ROS1: variants seen among roughly 807,000 people sequenced by gnomAD.
The protein encoded by ROS1 is proto-oncogene tyrosine-protein kinase ROS.
A neutral mutation model predicts 273.5 loss-of-function variants in ROS1; 263 were observed. The observed-to-expected ratio is 0.96, with a 90% CI of 0.87 to 1.06. The LOEUF (loss-of-function observed/expected upper bound fraction) is 1.06, where lower values mean the gene tolerates loss of function less well. Among genes scored for constraint, ROS1 ranks in the 50% least tolerant of loss-of-function variants. ROS1 has a pLI of 0.00. For missense variants in ROS1, 2,833 were observed against 2,751.1 expected (o/e 1.03, Z -0.67); for synonymous variants, 1,008 against 954.1 (o/e 1.06, Z -1.04).
chr6:117,319,250 T>G (rs1231488082), intron 37 of ROS1, among the ~76,000 whole-genome samples: 1 of 152,182 alleles, frequency 6.6e-6, no homozygotes, highest in East Asian at 1.9e-4. Flanking sequence ...AGTCAGAGAC[T>G]GACAAACTAC....
At chr6:117,382,706 G>T (rs1479639547) in intron 17 of ROS1, among the ~76,000 whole-genome samples, 1 of 152,078 alleles carries the variant, frequency 6.6e-6, no homozygotes, top group African/African-American at 2.4e-5. Context: ...TCCTGTATTT[G>T]CAGGTTGAGT....
intron 31 of ROS1, 69 bp from the exon 32 acceptor site, chr6:117,337,409 T>A (rs1413049858): frequency 8.5e-7 from 1 of 1,182,002 alleles, no homozygotes; most frequent in South Asian, 1.5e-5. Context: ...CAAAAATGTA[T>A]AGGCTTATAG....
At position 117,324,294 on chromosome 6, in the gene ROS1, C is replaced by T. The variant is rs751336198; in HGVS notation, c.5623+38G>A. The T allele has an allele frequency of 1.1e-5, 10 of 923,942 alleles. 1 individual carries two copies. The South Asian group carries it at 1.1e-4, about 11-fold the overall frequency. 57.2% of individuals were successfully genotyped at this position (923,942 alleles called of 1,614,324 possible). On this transcript the variant is annotated intron_variant, in intron 35 of 43. Transcript: ENST00000368507. ...AATCAATCAGGTATGATTAAGTAAA[C>T]AGTTTGTTGCCTATTTTAAAAATTC...
intron 39 of ROS1, among the ~76,000 whole-genome samples, chr6:117,311,552 C>T (rs1307281580): frequency 6.6e-6 from 1 of 152,130 alleles, no homozygotes; most frequent in Non-Finnish European, 1.5e-5. Flanking sequence ...ATAACAGGCA[C>T]TTAATAAACA....
In ROS1 at chr6:117,288,559, G is replaced by A. The variant is rs1430294646; in HGVS notation, c.6959C>T (p.Ser2320Phe). The part of the protein sequence containing the change: ...CQEKQVAYCP[S>F]GKPEGLNYAC... ...ATAGTTCAGGCCTTCAGGCTTGCCA[G>A]AAGGGCAGTAAGCCACTTGTTTTTC... The change falls in exon 44 of 44, where the codon TCT becomes TTT. Residue 2320 changes from serine to phenylalanine, a missense_variant. Coordinates refer to ENST00000368507, the MANE Select transcript of ROS1 (RefSeq NM_001378902.1). The A allele has an allele frequency of 6.2e-7, 1 of 1,614,174 alleles. No homozygotes were observed. Among genetic ancestry groups the A allele is most frequent in the Admixed American group, 1.7e-5 (1 of 60,016 alleles).
intron 35 of ROS1, among the ~76,000 whole-genome samples, chr6:117,322,833 G>C (rs760382848): frequency 2.0e-5 from 3 of 152,120 alleles, no homozygotes; most frequent in Non-Finnish European, 2.9e-5. Flanking sequence ...AAAAATTCGT[G>C]AATTTCAAAC....
At chr6:117,297,644 G>A (rs372623561) in intron 43 of ROS1, among the ~76,000 whole-genome samples, 56 of 152,148 alleles carry the variant, frequency 3.7e-4, no homozygotes, top group South Asian at 3.3e-3. Flanking sequence ...AATCATCGGC[G>A]AAATGCAAAT....
At chr6:117,380,330 T>C (rs968928366) in intron 17 of ROS1, among the ~76,000 whole-genome samples, 1 of 152,116 alleles carries the variant, frequency 6.6e-6, no homozygotes, top group African/African-American at 2.4e-5. Context: ...GAAACAGTTA[T>C]AAGGTACATG....
At chr6:117,380,903 C>G (rs999148700) in intron 17 of ROS1, among the ~76,000 whole-genome samples, 5 of 152,054 alleles carry the variant, frequency 3.3e-5, no homozygotes, top group African/African-American at 1.2e-4. Flanking sequence ...CTTTTTTTAT[C>G]ACACAAGTAA....
At chr6:117,404,108 G>A (rs943988605) in intron 6 of ROS1, among the ~76,000 whole-genome samples, 172 bp downstream of exon 6, 2 of 152,116 alleles carry the variant, frequency 1.3e-5, no homozygotes, top group Admixed American at 6.5e-5. Flanking sequence ...GATGGCGGGC[G>A]CCTGTGGGCG....
chr6:117,387,806 G>A lies in ROS1; in HGVS notation c.1973C>T (p.Pro658Leu). The change falls in exon 14 of 44, where the codon CCC becomes CTC. Residue 658 changes from proline (P) to leucine (L), a missense_variant. Pro to Leu is a moderately conservative substitution (Grantham distance 98). Transcript: ENST00000368507. ...TGGCACCAGGGTAGTACCCACTGAG[G>A]GCTCTGACCAGGGGCCTGGCCTCTT... ...SPKRPGPWSE[P>L]SVGTTLVPAS... The A allele has an allele frequency of 6.2e-7, 1 of 1,614,058 alleles. No homozygotes were observed. The highest frequency in any genetic ancestry group is 1.1e-5 in the South Asian group (1 of 91,056).
rs1776641380 is a variant in ROS1 at position 117,326,315 on chromosome 6, C to A, written c.5448G>T (p.Leu1816=). The change falls in exon 34 of 44, where the codon CTG becomes CTT. Residue 1816 remains leucine, a synonymous_variant. Transcript: ENST00000368507. ...SSVCTWKSKN[L]KGIFQFRVVA... is the part of the protein sequence containing the mutation. ...CTACTCTGAACTGAAATATTCCTTT[C>A]AGGTTTTTGGACTTCCATGTGCAAA... 2.5e-6 allele frequency: 4 copies of A among 1,603,478 alleles called. No individual in the cohort carries two copies. The highest frequency in any genetic ancestry group is 3.4e-6 in the Non-Finnish European group (4 of 1,176,216).
chr6:117,385,490 G>A (rs1250046285), intron 16 of ROS1, among the ~76,000 whole-genome samples, 193 bp downstream of exon 16: 1 of 151,994 alleles, frequency 6.6e-6, no homozygotes, highest in Admixed American at 6.6e-5. Context: ...TCCAGCCTGG[G>A]CAGCAGGGTG....
chr6:117,406,833 A>G (rs557459108), intron 5 of ROS1, among the ~76,000 whole-genome samples: 53 of 152,348 alleles, frequency 3.5e-4, no homozygotes, highest in African/African-American at 1.3e-3. Flanking sequence ...TTAAATAAAA[A>G]TAATTGCATG....
Position 117,372,896 on chromosome 6 carries a change from C to T in ROS1, c.2582+6163G>A, listed in dbSNP as rs181647413. 3.1e-3 allele frequency among the ~76,000 whole-genome samples: 479 copies of T among 152,314 alleles called. 2 individuals carry two copies. The highest frequency in any genetic ancestry group is 0.011 in the African/African-American group (456 of 41,578). ...AGCCTGCTTTTATTCCCTTATCTGG[C>T]CCCACCCACATTCTGCTGATTGGCC... On this transcript the variant is annotated intron_variant, in intron 18 of 43. Transcript: ENST00000368507.
intron 20 of ROS1, 31 bp downstream of exon 20, chr6:117,365,550 G>A (rs1413263803): frequency 6.3e-7 from 1 of 1,589,590 alleles, no homozygotes; most frequent in Middle Eastern, 1.7e-4. Flanking sequence ...GTCTGTTTGG[G>A]AAATGAAAGT....
intron 4 of ROS1, among the ~76,000 whole-genome samples, chr6:117,410,349 A>AT (rs1335106101): frequency 6.6e-6 from 1 of 152,164 alleles, no homozygotes; most frequent in Non-Finnish European, 1.5e-5. Context: ...GGGATTACCT[A>AT]TTTATTTTAT....
At chr6:117,376,210 A>G (rs1438138183) in intron 18 of ROS1, among the ~76,000 whole-genome samples, 1 of 152,126 alleles carries the variant, frequency 6.6e-6, no homozygotes, top group Non-Finnish European at 1.5e-5. Flanking sequence ...GACAGACCCT[A>G]TAGACATTAA....
chr6:117,422,696 C>A (rs775960532), intron 1 of ROS1, among the ~76,000 whole-genome samples: 54 of 152,078 alleles, frequency 3.6e-4, no homozygotes, highest in Admixed American at 5.9e-4. Flanking sequence ...TTCTTTGGAA[C>A]TTAAGATACA....
Sources: gnomAD v4.1 joint callset for allele counts (sites outside exome capture counted in the v4.1 genomes callset) on GRCh38, gnomAD v4.1.1 for gene constraint, MANE v1.5 for transcripts, NCBI Gene and HGNC (gene_info 2026-07-23, HGNC 2026-07-21) for gene names.